MACROD2: variants seen among roughly 807,000 people sequenced by gnomAD.
The protein encoded by MACROD2 is ADP-ribose glycohydrolase MACROD2.
Under a neutral mutation model 70.4 loss-of-function variants are expected in MACROD2, and 36 were observed. The ratio of observed to expected loss-of-function variants is 0.51; its 90% CI spans 0.39 to 0.68. The LOEUF (loss-of-function observed/expected upper bound fraction) is 0.68, where lower values mean the gene tolerates loss of function less well. MACROD2 is among the 30% of genes least tolerant of loss of function. The pLI, the probability that MACROD2 is intolerant of heterozygous loss-of-function variation, is 0.00. For missense variants in MACROD2, 496 were observed against 538.4 expected (o/e 0.92, Z 0.78); for synonymous variants, 172 against 178.8 (o/e 0.96, Z 0.30).
chr20:15,773,097 A>C (rs2051664437), intron 8 of MACROD2, among the ~76,000 whole-genome samples: 1 of 152,140 alleles, frequency 6.6e-6, no homozygotes, highest in Admixed American at 6.5e-5. Context: ...GCCCTACCAG[A>C]TAATCAGGAG....
intron 5 of MACROD2, among the ~76,000 whole-genome samples, chr20:15,014,207 G>A (rs771675488): frequency 4.6e-5 from 7 of 152,096 alleles, no homozygotes; most frequent in Non-Finnish European, 1.0e-4. Flanking sequence ...AAAATTTATG[G>A]TAGTTACCTT....
intron 9 of MACROD2, among the ~76,000 whole-genome samples, chr20:15,872,510 C>T (rs1314020450): frequency 6.6e-6 from 1 of 152,172 alleles, no homozygotes; most frequent in African/African-American, 2.4e-5. Context: ...TGGCTTTGCG[C>T]ATGTTGTTTA....
Position 14,655,027 on chromosome 20 carries a change from G to T in MACROD2, c.302-29816G>T, listed in dbSNP as rs1412447660. Among the ~76,000 whole-genome samples, 3 of 148,120 alleles carry T rather than the reference G, an allele frequency of 2.0e-5. No individual in the cohort carries two copies. In the East Asian group the frequency reaches 5.9e-4, roughly 29 times the overall value. The stretch of plus-strand genomic sequence containing the variant: ...ATTGAGTTCTTTCATACACAGGGTT[G>T]TTTTTTTTTTAATTGTAAGACTGTT... On this transcript the variant is annotated intron_variant, in intron 4 of 17. Transcript: ENST00000684519.
At chr20:15,351,462 T>G (rs951103239) in intron 6 of MACROD2, among the ~76,000 whole-genome samples, 1 of 152,164 alleles carries the variant, frequency 6.6e-6, no homozygotes, top group Non-Finnish European at 1.5e-5. Flanking sequence ...CTGTGTGTTG[T>G]TACATATCAA....
intron 8 of MACROD2, among the ~76,000 whole-genome samples, chr20:15,644,362 C>G (rs866152766): frequency 6.6e-6 from 1 of 152,138 alleles, no homozygotes; most frequent in Non-Finnish European, 1.5e-5. Context: ...AAGGTTGAAG[C>G]TTCTTTCTTC....
intron 5 of MACROD2, among the ~76,000 whole-genome samples, chr20:15,051,748 A>C (rs1465295370): frequency 1.4e-5 from 2 of 144,134 alleles, no homozygotes; most frequent in Admixed American, 6.8e-5. Context: ...CCATTATACC[A>C]TCTCTTTTTT....
At chr20:14,878,422 T>C (rs2073573960) in intron 5 of MACROD2, among the ~76,000 whole-genome samples, 1 of 152,164 alleles carries the variant, frequency 6.6e-6, no homozygotes, top group Non-Finnish European at 1.5e-5. Flanking sequence ...TTAGGGAGTC[T>C]ATGTCCTCTC....
chr20:14,715,138 G>A (rs2071382853), intron 5 of MACROD2, among the ~76,000 whole-genome samples: 1 of 152,170 alleles, frequency 6.6e-6, no homozygotes, highest in Non-Finnish European at 1.5e-5. Flanking sequence ...AGAAGGGAAA[G>A]CAAACACATT....
intron 6 of MACROD2, among the ~76,000 whole-genome samples, chr20:15,264,904 T>TG (rs1416678362): frequency 6.6e-6 from 1 of 151,940 alleles, no homozygotes; most frequent in Non-Finnish European, 1.5e-5. Flanking sequence ...AGAAGTGAAG[T>TG]GGGAGGGGTC....
At chr20:15,878,136 C>T (rs2064701851) in intron 9 of MACROD2, among the ~76,000 whole-genome samples, 1 of 152,040 alleles carries the variant, frequency 6.6e-6, no homozygotes, top group Non-Finnish European at 1.5e-5. Context: ...AATCTTGCCA[C>T]TCAGCTGCAT....
intron 8 of MACROD2, among the ~76,000 whole-genome samples, chr20:15,852,417 T>A (rs2064309661): frequency 6.6e-6 from 1 of 152,150 alleles, no homozygotes; most frequent in Non-Finnish European, 1.5e-5. Context: ...AATTTTAAAA[T>A]GCAAAAATGT....
chr20:15,097,958 A>G (rs2075846176), intron 5 of MACROD2, among the ~76,000 whole-genome samples: 1 of 152,192 alleles, frequency 6.6e-6, no homozygotes, highest in Non-Finnish European at 1.5e-5. Context: ...CAAGTTCATA[A>G]CAATCTTTAT....
At chr20:14,328,056 A>T (rs982971518) in intron 3 of MACROD2, among the ~76,000 whole-genome samples, 3 of 152,064 alleles carry the variant, frequency 2.0e-5, no homozygotes, top group Non-Finnish European at 4.4e-5. Flanking sequence ...AAAATGTCAT[A>T]AAAATACCTA....
At chr20:14,331,816 C>T (rs930562376) in intron 3 of MACROD2, among the ~76,000 whole-genome samples, 2 of 152,108 alleles carry the variant, frequency 1.3e-5, no homozygotes, top group East Asian at 3.9e-4. Flanking sequence ...TACATATTTG[C>T]GCACCTAGAA....
intron 8 of MACROD2, among the ~76,000 whole-genome samples, chr20:15,561,705 T>C (rs1448939725): frequency 6.6e-6 from 1 of 152,194 alleles, no homozygotes; most frequent in African/African-American, 2.4e-5. Context: ...TGTTATTTTA[T>C]GCTAAGTTAT....
At chr20:16,017,302 CA>C (rs1242353442) in intron 15 of MACROD2, among the ~76,000 whole-genome samples, 1 of 151,030 alleles carries the variant, frequency 6.6e-6, no homozygotes, top group African/African-American at 2.5e-5. Context: ...ACATTGGCTG[CA>C]AGGATATTTT....
chr20:15,737,982 T>C (rs1283079937), intron 8 of MACROD2, among the ~76,000 whole-genome samples: 7 of 151,724 alleles, frequency 4.6e-5, no homozygotes, highest in African/African-American at 1.7e-4. Flanking sequence ...ATATATAGAT[T>C]AAAAGAGAGC....
intron 5 of MACROD2, among the ~76,000 whole-genome samples, chr20:14,903,049 T>TC (rs1229865055): frequency 2.0e-5 from 3 of 148,916 alleles, no homozygotes; most frequent in Admixed American, 6.6e-5. Context: ...CTTTTTTTTT[T>TC]TTTTTTTTTG....
chr20:14,992,975 A>G (rs958043197), intron 5 of MACROD2, among the ~76,000 whole-genome samples: 2 of 152,190 alleles, frequency 1.3e-5, no homozygotes, highest in Non-Finnish European at 2.9e-5. Context: ...TGTCTTACAA[A>G]TACAATAGAA....
Sources: gnomAD v4.1 joint callset for allele counts (sites outside exome capture counted in the v4.1 genomes callset) on GRCh38, gnomAD v4.1.1 for gene constraint, MANE v1.5 for transcripts, NCBI Gene and HGNC (gene_info 2026-07-23, HGNC 2026-07-21) for gene names.